AXL: variants seen among roughly 807,000 people sequenced by gnomAD.
AXL encodes tyrosine-protein kinase receptor UFO.
Under a neutral mutation model 104.5 loss-of-function variants are expected in AXL, and 52 were observed. The observed-to-expected ratio is 0.50, with a 90% confidence interval of 0.40 to 0.63. The LOEUF is 0.63. AXL is among the 20% of genes least tolerant of loss of function. The pLI is 0.00. For synonymous variants in AXL, 455 were observed against 473.7 expected, an observed-to-expected ratio of 0.96 and a Z score of 0.51; for missense variants, 1,024 against 1,188.5, an observed-to-expected ratio of 0.86 and a Z score of 2.04.
At chr19:41,249,284 AAAT>A in intron 14 of AXL, among the ~76,000 whole-genome samples, 1 of 152,110 alleles carries the variant, frequency 6.6e-6, no homozygotes, top group East Asian at 1.9e-4. Context: ...ATGAAAAAAA[AAAT>A]AATAATAGTA....
intron 6 of AXL, among the ~76,000 whole-genome samples, chr19:41,235,635 T>C (rs78677217): frequency 0.024 from 3,648 of 152,264 alleles, 156 homozygotes; most frequent in African/African-American, 0.083. Flanking sequence ...ATTGTTACCA[T>C]TACTGATATT....
At chr19:41,247,557 A>T (rs1394138125) in intron 12 of AXL, among the ~76,000 whole-genome samples, 1 of 151,686 alleles carries the variant, frequency 6.6e-6, no homozygotes, top group African/African-American at 2.4e-5. Context: ...ATTTGTGCAG[A>T]TTATACTTCA....
chr19:41,221,099 T>A, intron 2 of AXL, 47 bp from the exon 3 acceptor site: 1 of 1,566,304 alleles, frequency 6.4e-7, no homozygotes, highest in Non-Finnish European at 8.7e-7. Context: ...CCTCCCAGTG[T>A]CCAGCTCTGA....
At chr19:41,254,615 A>G (rs929827566) in intron 17 of AXL, among the ~76,000 whole-genome samples, 1 of 151,824 alleles carries the variant, frequency 6.6e-6, no homozygotes, top group Non-Finnish European at 1.5e-5. Context: ...GAATGGAACC[A>G]CAGAGTTAGA....
chr19:41,239,447 C>T, intron 9 of AXL, 133 bp downstream of exon 9: 3 of 1,333,180 alleles, frequency 2.3e-6, no homozygotes, highest in Non-Finnish European at 3.1e-6. Flanking sequence ...GAGCTGCCCT[C>T]ACTCCCTTAC....
At chr19:41,245,591 G>T (rs1485100623) in intron 12 of AXL, among the ~76,000 whole-genome samples, 1 of 151,962 alleles carries the variant, frequency 6.6e-6, no homozygotes, top group East Asian at 1.9e-4. Context: ...GATGTAATCT[G>T]TAATCCCAGC....
At chr19:41,233,042 T>C (rs942999872) in intron 6 of AXL, among the ~76,000 whole-genome samples, 3 of 151,910 alleles carry the variant, frequency 2.0e-5, no homozygotes, top group African/African-American at 7.3e-5. Flanking sequence ...CAGACTGGAG[T>C]GCTGTGGCGT....
chr19:41,259,783 T>C lies in AXL; in HGVS notation c.2564T>C (p.Leu855Pro), dbSNP rs1437019561. 2 of 1,614,094 alleles carry C rather than the reference T, an allele frequency of 1.2e-6. No individual in the cohort carries two copies. Among genetic ancestry groups the C allele is most frequent in the Admixed American group, 3.3e-5 (2 of 60,004 alleles). The change falls in exon 20 of 20, where the codon CTC becomes CCC. Residue 855 changes from leucine to proline, a missense_variant. By Grantham distance (98) the Leu-to-Pro change is moderately conservative. This residue lies in a region of AXL where 523 missense variants were observed against 636.0 expected (regional missense o/e 0.82). Transcript: ENST00000301178. The stretch of plus-strand genomic sequence containing the variant: ...GACCCTAAGGATTCCTGTAGCTGCC[T>C]CACTGCGGCTGAGGTCCATCCTGCT... ...QPDPKDSCSC[L>P]TAAEVHPAGR... is the part of the protein sequence containing the mutation.
In AXL at chr19:41,253,695, G is replaced by T. The variant is rs2034405153; in HGVS notation, c.2023G>T (p.Ala675Ser). Residue 675 changes from alanine to serine, a missense_variant, in exon 17 of 20, where the codon GCC becomes TCC. Physicochemically the swap from Ala to Ser is moderately conservative, Grantham distance 99. Transcript: ENST00000301178. ...GAGATTCATACACCGGGACCTGGCG[G>T]CCAGGAACTGCATGTGAGTGCCTTT... ...TKRFIHRDLA[A>S]RNCMLNENMS... The T allele has an allele frequency of 2.5e-6, 4 of 1,612,162 alleles. No individual in the cohort carries two copies. In the African/African-American group the frequency reaches 4.0e-5, roughly 16 times the overall value.
intron 1 of AXL, among the ~76,000 whole-genome samples, chr19:41,219,803 C>T (rs1016149823): frequency 2.0e-5 from 3 of 151,506 alleles, no homozygotes; most frequent in African/African-American, 7.3e-5. Flanking sequence ...AGCTGAGGGT[C>T]GCCAGGAAGG....
intron 4 of AXL, among the ~76,000 whole-genome samples, chr19:41,227,359 T>C (rs369130108): frequency 1.3e-5 from 2 of 152,258 alleles, no homozygotes; most frequent in African/African-American, 4.8e-5. Context: ...CTTAGCAACC[T>C]CAGTACATAT....
intron 17 of AXL, among the ~76,000 whole-genome samples, chr19:41,254,548 A>G (rs547404166): frequency 6.6e-6 from 1 of 151,860 alleles, no homozygotes; most frequent in Non-Finnish European, 1.5e-5. Flanking sequence ...GAAAAGAAAG[A>G]ACAAAAAATC....
In AXL at chr19:41,221,265, G is replaced by T. The variant is rs2033786144; in HGVS notation, c.409+19G>T. ...CTGGAGGGTGAGCTCTGGGGTCAGG[G>T]GTCCTGAGGGGTCAGAGGACATGTG... On this transcript the variant is annotated intron_variant, in intron 3 of 19. Transcript: ENST00000301178. 1 of 1,604,892 alleles carries T rather than the reference G, an allele frequency of 6.2e-7. No individual in the cohort carries two copies. The highest frequency in any genetic ancestry group is 1.3e-5 in the African/African-American group (1 of 74,624).
intron 6 of AXL, among the ~76,000 whole-genome samples, chr19:41,236,207 A>G (rs937391650): frequency 2.0e-5 from 3 of 151,698 alleles, no homozygotes; most frequent in Admixed American, 6.6e-5. Context: ...GTGGCACATG[A>G]CTGTAGCCCC....
chr19:41,220,058 T>G (rs1256306575), intron 1 of AXL, among the ~76,000 whole-genome samples: 1 of 151,286 alleles, frequency 6.6e-6, no homozygotes, highest in Non-Finnish European at 1.5e-5. Flanking sequence ...TATCTCTCCC[T>G]GCTCTCTGAG....
intron 14 of AXL, among the ~76,000 whole-genome samples, chr19:41,250,129 T>G (rs982326502): frequency 3.9e-5 from 6 of 152,198 alleles, no homozygotes; most frequent in African/African-American, 1.4e-4. Context: ...CTTCCAAAGC[T>G]GTTTTGAGGC....
In AXL at chr19:41,239,245, G is replaced by T. The variant is rs909496760; in HGVS notation, c.1216G>T (p.Val406Leu). The change falls in exon 9 of 20, where the codon GTG becomes TTG. Residue 406 changes from valine to leucine, a missense_variant. Val to Leu is a conservative substitution (Grantham distance 32). Coordinates refer to ENST00000301178, the MANE Select transcript of AXL (RefSeq NM_021913.5). ...DGSVSNLTVC[V>L]AAYTAAGDGP... ...GTCTGTGTCCAATCTGACAGTGTGT[G>T]TGGCAGCCTACACTGCTGCTGGGGA... 2 of 1,612,118 alleles carry T rather than the reference G, an allele frequency of 1.2e-6. No individual in the cohort carries two copies. The highest frequency in any genetic ancestry group is 1.7e-6 in the Non-Finnish European group (2 of 1,178,914).
intron 4 of AXL, among the ~76,000 whole-genome samples, chr19:41,227,647 G>A (rs1281050848): frequency 6.6e-6 from 1 of 151,860 alleles, no homozygotes; most frequent in East Asian, 1.9e-4. Flanking sequence ...CACCATGCCC[G>A]GCTGATTTTT....
chr19:41,232,961 T>C (rs1015066376), intron 6 of AXL, among the ~76,000 whole-genome samples: 1 of 152,112 alleles, frequency 6.6e-6, no homozygotes, highest in African/African-American at 2.4e-5. Flanking sequence ...GTCATGCTCC[T>C]AACCTCCTTA....
Sources: gnomAD v4.1 joint callset for allele counts (sites outside exome capture counted in the v4.1 genomes callset) on GRCh38, gnomAD v4.1.1 for gene constraint, gnomAD v4.1.1 regional missense constraint, MANE v1.5 for transcripts, NCBI Gene and HGNC (gene_info 2026-07-23, HGNC 2026-07-21) for gene names.